The following ACTN4 variants were observed in gnomAD, a reference collection of about 807,000 sequenced individuals.
ACTN4 encodes the protein alpha-actinin-4.
Under a neutral mutation model 114.2 loss-of-function variants are expected in ACTN4, and 18 were observed. The ratio of observed to expected loss-of-function variants is 0.16; its 90% CI spans 0.11 to 0.23. ACTN4 has a LOEUF of 0.23. Ranked by LOEUF, ACTN4 falls within the 10% of genes least tolerant of loss-of-function variation. ACTN4 has a pLI of 1.00. For synonymous variants in ACTN4, 515 were observed against 506.3 expected (o/e 1.02, Z -0.23); for missense variants, 722 against 1,262.9 (o/e 0.57, Z 6.49).
Position 38,669,046 on chromosome 19 carries a change from G to A in ACTN4, c.162+21139G>A, listed in dbSNP as rs117784702. 9.7e-3 allele frequency among the ~76,000 whole-genome samples: 1,475 copies of A among 152,256 alleles called. 12 individuals carry two copies. The highest frequency in any genetic ancestry group is 0.018 in the Admixed American group (270 of 15,294). On this transcript the variant is annotated intron_variant, in intron 1 of 20. Transcript: ENST00000252699. ...CTGTCGCCCAGGCTGAAATGCAGTG[G>A]TATGCACTTGGCTCACTGCAACCTC...
chr19:38,663,206 C>T (rs765027136), intron 1 of ACTN4, among the ~76,000 whole-genome samples: 2 of 152,176 alleles, frequency 1.3e-5, no homozygotes, highest in East Asian at 1.9e-4. Flanking sequence ...CCACTGCGCC[C>T]GGCCACATTT....
chr19:38,716,811 G>A (rs1022346246), intron 9 of ACTN4, among the ~76,000 whole-genome samples: 2 of 152,190 alleles, frequency 1.3e-5, no homozygotes, highest in African/African-American at 2.4e-5. Flanking sequence ...GTGACAAAGC[G>A]TGAACCTGTC....
intron 1 of ACTN4, among the ~76,000 whole-genome samples, chr19:38,699,384 G>C (rs926043238): frequency 1.3e-5 from 2 of 152,152 alleles, no homozygotes; most frequent in Admixed American, 6.5e-5. Flanking sequence ...CCTTAGATGC[G>C]GCTGCCTGAC....
Position 38,673,495 on chromosome 19 carries a change from A to G in ACTN4, c.162+25588A>G. On this transcript the variant is annotated intron_variant, in intron 1 of 20. Coordinates refer to ENST00000252699, the MANE Select transcript of ACTN4 (RefSeq NM_004924.6). Reference sequence around the variant, plus strand: ...TATATTTATATATATATTCATATATATTTATATATATGAATATATATTTAT... The same window carrying G: ...TATATTTATATATATATTCATATATGTTTATATATATGAATATATATTTAT... Among the ~76,000 whole-genome samples, 3 of 108,306 alleles carry G rather than the reference A, an allele frequency of 2.8e-5. No individual in the cohort carries two copies. In the Middle Eastern group the frequency reaches 0.012, roughly 426 times the overall value. The allele number at this position is 108,306 out of a possible 152,430, so 71.1% of individuals were successfully genotyped here.
In ACTN4 at chr19:38,724,741, C is replaced by T. The variant is rs570158736; in HGVS notation, c.2010+176C>T. On this transcript the variant is annotated intron_variant, in intron 16 of 20. Transcript: ENST00000252699. The surrounding 1 kb of genome is among the most constrained non-coding windows in gnomAD (Gnocchi z 7.0). ...GGGTTAGGAGAGTCCACAGAGCTTG[C>T]GCCTGGAATCCCGGCACCTGGGGAG... Among the ~76,000 whole-genome samples the T allele has an allele frequency of 5.9e-5, 9 of 152,340 alleles. No homozygotes were observed. Among genetic ancestry groups the T allele is most frequent in the South Asian group, 2.1e-4 (1 of 4,832 alleles).
intron 12 of ACTN4, among the ~76,000 whole-genome samples, chr19:38,722,433 C>G (rs146834728): frequency 3.9e-5 from 6 of 152,126 alleles, no homozygotes; most frequent in African/African-American, 1.4e-4. Context: ...CCCCAAAGGT[C>G]TGCTTATTCC....
chr19:38,727,995 G>A lies in ACTN4; in HGVS notation c.2387G>A (p.Ser796Asn). ...GAGGAGTTCAAGGCCTGCCTCATCA[G>A]CCTGGGCTACGACGTGGAGAACGAC... ...GPEEFKACLI[S>N]LGYDVENDRQ... The change falls in exon 19 of 21, where the codon AGC becomes AAC. Residue 796 changes from serine (S) to asparagine (N), a missense_variant. By Grantham distance (46) the Ser-to-Asn change is conservative. Transcript: ENST00000252699. This position sits in a 1 kb window ranked among gnomAD's most constrained non-coding sequence, Gnocchi z 5.4. 1 of 1,613,072 alleles carries A rather than the reference G, an allele frequency of 6.2e-7. No individual in the cohort carries two copies. Among genetic ancestry groups the A allele is most frequent in the Non-Finnish European group, 8.5e-7 (1 of 1,179,934 alleles).
intron 1 of ACTN4, among the ~76,000 whole-genome samples, chr19:38,670,009 A>G (rs1480490968): frequency 6.6e-6 from 1 of 152,140 alleles, no homozygotes; most frequent in South Asian, 2.1e-4. Context: ...CTTAGCGCCA[A>G]TTGGAAAGTG....
chr19:38,700,838 A>C (rs1323381528), intron 2 of ACTN4, 124 bp downstream of exon 2: 7 of 1,364,436 alleles, frequency 5.1e-6, no homozygotes, highest in Non-Finnish European at 7.1e-6. Flanking sequence ...ACCCCTTAAT[A>C]GCTGCACGGT....
chr19:38,717,882 C>T lies in ACTN4; in HGVS notation c.1144-45C>T, dbSNP rs1400051517. The T allele has an allele frequency of 2.6e-6, 4 of 1,559,030 alleles. No homozygotes were observed. Among genetic ancestry groups the T allele is most frequent in the Middle Eastern group, 2.0e-4 (1 of 5,058 alleles). The stretch of plus-strand genomic sequence containing the variant: ...CCCTTGGAGACATCCCCCTGGGTGC[C>T]TCCACTTCCTTGTGATAGCCCTGCC... On this transcript the variant is annotated intron_variant, in intron 10 of 20. Transcript: ENST00000252699. The surrounding 1 kb of genome is among the most constrained non-coding windows in gnomAD (Gnocchi z 4.0).
In ACTN4 at chr19:38,694,671, T is replaced by C. The variant is rs974833047; in HGVS notation, c.163-5929T>C. Reference sequence around the variant, plus strand: ...GCCCACCCCGTGTTTGTATGTATCATCTGTGTCTGTGTGACATTAAGCAAG... The same window carrying C: ...GCCCACCCCGTGTTTGTATGTATCACCTGTGTCTGTGTGACATTAAGCAAG... On this transcript the variant is annotated intron_variant, in intron 1 of 20. Coordinates refer to ENST00000252699, the MANE Select transcript of ACTN4 (RefSeq NM_004924.6). Among the ~76,000 whole-genome samples the C allele has an allele frequency of 4.6e-5, 7 of 152,280 alleles. No individual in the cohort carries two copies. In the South Asian group the frequency reaches 1.0e-3, roughly 23 times the overall value.
In ACTN4 at chr19:38,730,104, GAAAA is replaced by G. The variant is rs1220685640; in HGVS notation, c.*677_*680del. 1.3e-5 allele frequency: 1 copy of G among 78,466 alleles called. No homozygotes were observed. Among genetic ancestry groups the G allele is most frequent in the Non-Finnish European group, 2.8e-5 (1 of 35,208 alleles). The allele number at this position is 78,466 out of a possible 1,614,324, so 4.9% of individuals were successfully genotyped here. On this transcript the variant is annotated 3_prime_UTR_variant, in exon 21 of 21. Coordinates refer to ENST00000252699, the MANE Select transcript of ACTN4 (RefSeq NM_004924.6). ...TTTCTAAGAACCAAAAAAAAAAAAG[GAAAA>G]AAAACACAAAACAACAAAAACCAAA... is the stretch of plus-strand genomic sequence containing the variant.
At chr19:38,680,561 T>G (rs1967532745) in intron 1 of ACTN4, among the ~76,000 whole-genome samples, 1 of 152,142 alleles carries the variant, frequency 6.6e-6, no homozygotes, top group African/African-American at 2.4e-5. Context: ...TAGACTGACG[T>G]TGCCTGATGC....
intron 1 of ACTN4, among the ~76,000 whole-genome samples, chr19:38,656,682 T>C (rs1976720730): frequency 6.6e-6 from 1 of 152,202 alleles, no homozygotes. Flanking sequence ...AATGATTGAA[T>C]GGGATGCTAG....
chr19:38,673,537 T>TTATATATATTTATATATATATTCATATA (rs1967225276), intron 1 of ACTN4, among the ~76,000 whole-genome samples: 1 of 32,324 alleles, frequency 3.1e-5, no homozygotes, highest in Non-Finnish European at 8.9e-5. Context: ...TCATATATAC[T>TTATATATATTTATATATATATTCATATA]TATATATATT....
chr19:38,675,136 G>C (rs1393713587), intron 1 of ACTN4, among the ~76,000 whole-genome samples: 1 of 152,202 alleles, frequency 6.6e-6, no homozygotes, highest in Non-Finnish European at 1.5e-5. Flanking sequence ...TGTGTTGCTG[G>C]TGGGAGATGC....
intron 1 of ACTN4, among the ~76,000 whole-genome samples, chr19:38,675,601 C>CCG (rs1374270828): frequency 1.3e-5 from 2 of 152,214 alleles, no homozygotes; most frequent in Non-Finnish European, 2.9e-5. Context: ...ACATCTTGAG[C>CCG]CGCGTTCTTG....
Position 38,710,339 on chromosome 19 carries a change from G to A in ACTN4, c.816G>A (p.Gln272=). 11 of 1,613,598 alleles carry A rather than the reference G, an allele frequency of 6.8e-6. No individual in the cohort carries two copies. Among genetic ancestry groups the A allele is most frequent in the Non-Finnish European group, 9.3e-6 (11 of 1,180,006 alleles). Residue 272 remains glutamine (Q), a synonymous_variant, in exon 8 of 21, where the codon CAG becomes CAA. Coordinates refer to ENST00000252699, the MANE Select transcript of ACTN4 (RefSeq NM_004924.6). Reference sequence around the variant, plus strand: ...TCTACCATGCCTTTTCAGGAGCGCAGAAGGTACCGAGCAGGGCCAGGCAGG... The same window carrying A: ...TCTACCATGCCTTTTCAGGAGCGCAAAAGGTACCGAGCAGGGCCAGGCAGG... ...SSFYHAFSGA[Q]KAETAANRIC...
intron 17 of ACTN4, 145 bp downstream of exon 17, chr19:38,726,048 G>T (rs1969222051): frequency 8.6e-7 from 1 of 1,164,426 alleles, no homozygotes; most frequent in Non-Finnish European, 1.2e-6. Flanking sequence ...CAGCACTTTG[G>T]GAGGCCAAGT....
Sources: allele counts gnomAD v4.1 joint callset (sites outside exome capture counted in the v4.1 genomes callset), GRCh38; gene constraint gnomAD v4.1.1; non-coding constraint Gnocchi (gnomAD v3.1); transcripts MANE v1.5; gene names NCBI Gene and HGNC (gene_info 2026-07-23, HGNC 2026-07-21).